Variants in CCBE1 observed in about 807,000 individuals in gnomAD.
The protein encoded by CCBE1 is collagen and calcium-binding EGF domain-containing protein 1.
Under a neutral mutation model 50.0 loss-of-function variants are expected in CCBE1, and 37 were observed. The ratio of observed to expected loss-of-function variants is 0.74; its 90% CI spans 0.57 to 0.97. The LOEUF is 0.97. Among genes scored for constraint, CCBE1 ranks in the 50% least tolerant of loss-of-function variants. The probability of loss-of-function intolerance (pLI) is 0.00; values close to 1 mark genes in which losing one functional copy is unlikely to be tolerated. For missense variants in CCBE1, 538 were observed against 523.8 expected, an observed-to-expected ratio of 1.03 and a Z score of -0.26; for synonymous variants, 234 against 203.7, an observed-to-expected ratio of 1.15 and a Z score of -1.27.
chr18:59,539,045 A>G (rs963037319), intron 2 of CCBE1, among the ~76,000 whole-genome samples: 1 of 151,886 alleles, frequency 6.6e-6, no homozygotes, highest in Non-Finnish European at 1.5e-5. Context: ...GCACAGTAGC[A>G]TGCACCTACA....
intron 5 of CCBE1, 134 bp downstream of exon 5, chr18:59,466,605 G>A (rs576960858): frequency 2.3e-4 from 92 of 391,524 alleles, no homozygotes; most frequent in African/African-American, 2.0e-3. Context: ...AAATTACATA[G>A]CATAATTACA....
At chr18:59,454,340 G>C (rs12605815) in intron 6 of CCBE1, among the ~76,000 whole-genome samples, 20,485 of 152,086 alleles carry the variant, frequency 0.13, 1,407 homozygotes, top group Non-Finnish European at 0.15. Context: ...TGCCTCCCAG[G>C]TTCAAGCAAT....
chr18:59,690,107 AT>A (rs1208929699), intron 2 of CCBE1, among the ~76,000 whole-genome samples: 1 of 152,142 alleles, frequency 6.6e-6, no homozygotes, highest in Non-Finnish European at 1.5e-5. Context: ...AGGACAGAGG[AT>A]TTTTGTTGTT....
chr18:59,613,863 GTTTTTTTTT>G (rs34847608), intron 2 of CCBE1, among the ~76,000 whole-genome samples: 3 of 98,448 alleles, frequency 3.0e-5, no homozygotes, highest in East Asian at 3.2e-4. Context: ...TCTCTGATGG[GTTTTTTTTT>G]TTTTTTTTTT....
At chr18:59,667,455 G>A (rs1299742111) in intron 2 of CCBE1, among the ~76,000 whole-genome samples, 1 of 152,180 alleles carries the variant, frequency 6.6e-6, no homozygotes, top group African/African-American at 2.4e-5. Context: ...ATGAAGCACT[G>A]AGGGGCTGGC....
chr18:59,453,257 C>A (rs1327697307), intron 6 of CCBE1, among the ~76,000 whole-genome samples: 1 of 152,196 alleles, frequency 6.6e-6, no homozygotes, highest in Non-Finnish European at 1.5e-5. Context: ...TGATCGACTG[C>A]CTAACCCAAG....
chr18:59,597,703 A>G (rs1032580262), intron 2 of CCBE1, among the ~76,000 whole-genome samples: 4 of 152,138 alleles, frequency 2.6e-5, no homozygotes, highest in Admixed American at 1.3e-4. Context: ...CCAGGACTTC[A>G]TGTTTCTTCA....
chr18:59,454,363 G>A (rs1163042117), intron 6 of CCBE1, among the ~76,000 whole-genome samples: 1 of 152,124 alleles, frequency 6.6e-6, no homozygotes, highest in African/African-American at 2.4e-5. Context: ...TCCTGCCTCA[G>A]CCTGCCAAGT....
intron 2 of CCBE1, among the ~76,000 whole-genome samples, chr18:59,579,416 A>T (rs1350800448): frequency 6.6e-6 from 1 of 150,782 alleles, no homozygotes; most frequent in African/African-American, 2.5e-5. Flanking sequence ...AAAAAAAAAG[A>T]TTCCTACGTC....
chr18:59,550,915 G>T (rs1915887725), intron 2 of CCBE1, among the ~76,000 whole-genome samples: 1 of 146,100 alleles, frequency 6.8e-6, no homozygotes, highest in Admixed American at 7.1e-5. Flanking sequence ...TGAGGCAGGA[G>T]AATGGCATGA....
chr18:59,439,515 G>A (rs772312772), intron 9 of CCBE1, 28 bp downstream of exon 9: 2 of 1,613,518 alleles, frequency 1.2e-6, no homozygotes, highest in African/African-American at 1.3e-5. Context: ...GAGACCTTTA[G>A]CTTGTGAGGA....
intron 3 of CCBE1, among the ~76,000 whole-genome samples, chr18:59,477,086 C>A (rs1165355764): frequency 6.6e-6 from 1 of 152,204 alleles, no homozygotes; most frequent in Non-Finnish European, 1.5e-5. Context: ...AAGGTGCCAC[C>A]TGGCTACTTT....
rs1599147783 is a variant in CCBE1, at chr18:59,697,100, G to C, written c.131+112C>G. The C allele has an allele frequency of 2.8e-5, 39 of 1,405,876 alleles. No individual in the cohort carries two copies. In the East Asian group the frequency reaches 9.5e-4, roughly 34 times the overall value. 87.1% of individuals were successfully genotyped at this position (1,405,876 alleles called of 1,614,324 possible). The stretch of plus-strand genomic sequence containing the variant: ...GCACTCTCCTTATCCCCGGAGAAGT[G>C]AGGGCGTGCGGATCGCTGTGGGAGT... On this transcript the variant is annotated intron_variant, in intron 1 of 10. Coordinates refer to ENST00000439986, the MANE Select transcript of CCBE1 (RefSeq NM_133459.4).
At position 59,607,801 on chromosome 18, in the gene CCBE1, G is replaced by A. The variant is rs147743195; in HGVS notation, c.212+88828C>T. Among the ~76,000 whole-genome samples the A allele has an allele frequency of 6.7e-3, 1,024 of 152,292 alleles. 13 individuals are homozygous for A. Among genetic ancestry groups the A allele is most frequent in the African/African-American group, 0.023 (967 of 41,554 alleles). On this transcript the variant is annotated intron_variant, in intron 2 of 10. Transcript: ENST00000439986. The stretch of plus-strand genomic sequence containing the variant: ...TAAAAATGGGGATGAACGGCCAGGC[G>A]CAGTGGCTCACTCCTGTAATCCCAG...
chr18:59,568,740 G>A (rs1043575122), intron 2 of CCBE1: 1 of 152,236 alleles, frequency 6.6e-6, no homozygotes, highest in Non-Finnish European at 1.5e-5. Flanking sequence ...CAGCTTCTCA[G>A]AAGGTAATGT....
At chr18:59,665,677 T>A (rs2054344665) in intron 2 of CCBE1, among the ~76,000 whole-genome samples, 1 of 152,190 alleles carries the variant, frequency 6.6e-6, no homozygotes. Context: ...CAGGAAGCAC[T>A]GCACTCAACA....
chr18:59,653,348 C>T (rs1180745687), intron 2 of CCBE1, among the ~76,000 whole-genome samples: 2 of 152,224 alleles, frequency 1.3e-5, no homozygotes, highest in Non-Finnish European at 2.9e-5. Flanking sequence ...TGTTCATACC[C>T]AGGTTAAGGT....
chr18:59,592,362 G>A (rs1002196276), intron 2 of CCBE1, among the ~76,000 whole-genome samples: 1 of 152,164 alleles, frequency 6.6e-6, no homozygotes, highest in Non-Finnish European at 1.5e-5. Context: ...GTATTCCAAA[G>A]TCTGGAAAAA....
intron 2 of CCBE1, among the ~76,000 whole-genome samples, chr18:59,647,767 A>AT (rs1334798462): frequency 6.6e-6 from 1 of 152,248 alleles, no homozygotes; most frequent in Admixed American, 6.5e-5. Flanking sequence ...ACACATTTCA[A>AT]TTGTTTCGAT....
Sources: gnomAD v4.1 joint callset for allele counts (sites outside exome capture counted in the v4.1 genomes callset) on GRCh38, gnomAD v4.1.1 for gene constraint, MANE v1.5 for transcripts, NCBI Gene and HGNC (gene_info 2026-07-23, HGNC 2026-07-21) for gene names.